Variants in DDX31 observed in about 807,000 individuals in gnomAD.
DDX31 encodes DEAD-box helicase 31, also known as ATP-dependent DNA helicase DDX31.
DDX31 carries 70 observed loss-of-function variants against 91.3 expected under a neutral mutation model. The ratio of observed to expected loss-of-function variants is 0.77; its 90% CI spans 0.63 to 0.94. The LOEUF is 0.94. Among genes scored for constraint, DDX31 ranks in the 40% least tolerant of loss-of-function variants. The pLI, the probability that DDX31 is intolerant of heterozygous loss-of-function variation, is 0.00. For synonymous variants in DDX31, 362 were observed against 350.6 expected (o/e 1.03, Z -0.36); for missense variants, 902 against 925.0 (o/e 0.98, Z 0.32).
chr9:132,667,276 G>C (rs920647525), intron 1 of DDX31, among the ~76,000 whole-genome samples: 3 of 152,056 alleles, frequency 2.0e-5, no homozygotes, highest in African/African-American at 7.2e-5. Flanking sequence ...AGTCTCATCA[G>C]CATATCCATC....
Position 132,630,459 on chromosome 9 carries a change from G to A in DDX31, c.1492-56C>T, listed in dbSNP as rs1832654846. Reference sequence around the variant, plus strand: ...ATAGATCAAGGGACTGCCATTAATTGGAAGTGCAATACTCCTCACCTGCCT... The same window carrying A: ...ATAGATCAAGGGACTGCCATTAATTAGAAGTGCAATACTCCTCACCTGCCT... On this transcript the variant is annotated intron_variant, in intron 15 of 19. Transcript: ENST00000372159. 2.6e-6 allele frequency: 4 copies of A among 1,524,306 alleles called. No individual in the cohort carries two copies. In the Admixed American group the frequency reaches 7.1e-5, roughly 27 times the overall value. 94.4% of individuals were successfully genotyped at this position (1,524,306 alleles called of 1,614,324 possible).
intron 14 of DDX31, among the ~76,000 whole-genome samples, chr9:132,638,758 T>C (rs1307002144): frequency 6.6e-6 from 1 of 152,164 alleles, no homozygotes; most frequent in Non-Finnish European, 1.5e-5. Flanking sequence ...AACACACACA[T>C]GCACCCTTAA....
chr9:132,599,246 A>G (rs1280496312), intron 19 of DDX31, among the ~76,000 whole-genome samples: 1 of 152,258 alleles, frequency 6.6e-6, no homozygotes, highest in African/African-American at 2.4e-5. Context: ...TGAGGCACAG[A>G]GAGATTAGGT....
intron 1 of DDX31, among the ~76,000 whole-genome samples, chr9:132,664,829 G>T (rs1035062984): frequency 2.0e-5 from 3 of 151,372 alleles, no homozygotes; most frequent in Non-Finnish European, 4.4e-5. Flanking sequence ...TCTTCCTTCA[G>T]TTCCTAGAAT....
intron 16 of DDX31, among the ~76,000 whole-genome samples, chr9:132,627,644 T>C (rs879464692): frequency 1.3e-5 from 2 of 152,164 alleles, no homozygotes; most frequent in Admixed American, 6.5e-5. Flanking sequence ...AGTTGACAAA[T>C]ACAAAGAAGT....
At chr9:132,643,309 G>C (rs1833614819) in intron 13 of DDX31, among the ~76,000 whole-genome samples, 2 of 152,210 alleles carry the variant, frequency 1.3e-5, no homozygotes, top group South Asian at 4.1e-4. Context: ...CAGTCATGAA[G>C]CTCTATGCAC....
chr9:132,624,317 G>A (rs990924967), intron 17 of DDX31, among the ~76,000 whole-genome samples: 27 of 152,052 alleles, frequency 1.8e-4, no homozygotes, highest in African/African-American at 5.6e-4. Context: ...CTTAATAAAG[G>A]GTGGTCCAGA....
chr9:132,669,264 C>CG (rs1835548341), intron 1 of DDX31, among the ~76,000 whole-genome samples: 2 of 142,204 alleles, frequency 1.4e-5, no homozygotes, highest in African/African-American at 5.1e-5. Flanking sequence ...CCGCCCCCCC[C>CG]AAAGAACAGC....
intron 18 of DDX31, among the ~76,000 whole-genome samples, chr9:132,614,808 GGCA>G (rs1240987187): frequency 2.0e-5 from 3 of 152,140 alleles, no homozygotes; most frequent in Admixed American, 1.3e-4. Context: ...CAACTGGCCA[GGCA>G]GCATTTCACA....
At position 132,659,839 on chromosome 9, in the gene DDX31, C is replaced by T. The variant is rs150769671; in HGVS notation, c.453-59G>A. On this transcript the variant is annotated intron_variant, in intron 4 of 19. Coordinates refer to ENST00000372159, the MANE Select transcript of DDX31 (RefSeq NM_022779.9). ...TATATTACCCAGTTACTGGCAGAGA[C>T]GCAGGATACATAAAAGGCAACTGCC... 2.9e-5 allele frequency: 45 copies of T among 1,546,076 alleles called. No homozygotes were observed. The African/African-American group carries it at 3.0e-4, about 10-fold the overall frequency.
intron 17 of DDX31, among the ~76,000 whole-genome samples, chr9:132,623,196 T>C (rs1040415461): frequency 6.6e-6 from 1 of 150,866 alleles, no homozygotes; most frequent in Non-Finnish European, 1.5e-5. Context: ...TCCCACACAA[T>C]CCTCTGACGT....
At chr9:132,666,604 C>T (rs1044380520) in intron 1 of DDX31, among the ~76,000 whole-genome samples, 1 of 152,164 alleles carries the variant, frequency 6.6e-6, no homozygotes, top group Admixed American at 6.5e-5. Context: ...CTGCAACCTC[C>T]ACTGGTTCCT....
Position 132,605,796 on chromosome 9 carries a change from T to TG in DDX31, c.1994+6290dup, listed in dbSNP as rs553620652. 4.3e-3 allele frequency among the ~76,000 whole-genome samples: 652 copies of TG among 152,222 alleles called. 4 individuals are homozygous for TG. The highest frequency in any genetic ancestry group is 7.3e-3 in the Non-Finnish European group (496 of 67,992). ...ATGAGGCTGAACAATCAGCAAAGGC[T>TG]GGGGGCCTTTGTGAGGAGGGGGGTT... On this transcript the variant is annotated intron_variant, in intron 19 of 19. Transcript: ENST00000372159.
intron 14 of DDX31, among the ~76,000 whole-genome samples, chr9:132,640,760 G>A (rs1286963386): frequency 6.6e-6 from 1 of 152,094 alleles, no homozygotes; most frequent in Non-Finnish European, 1.5e-5. Flanking sequence ...CTCCCACCTC[G>A]GCCTCCCAAA....
At chr9:132,628,162 T>C (rs1832509809) in intron 16 of DDX31, among the ~76,000 whole-genome samples, 1 of 152,184 alleles carries the variant, frequency 6.6e-6, no homozygotes, top group Non-Finnish European at 1.5e-5. Flanking sequence ...CTGATGTCTG[T>C]TTAAGTTGAT....
chr9:132,669,256 G>GC (rs35218211), intron 1 of DDX31, among the ~76,000 whole-genome samples: 57,184 of 115,488 alleles, frequency 0.5, 11,688 homozygotes, highest in East Asian at 0.58. Context: ...CACCCCGCCC[G>GC]CCCCCCCCAA....
chr9:132,605,260 C>T (rs572520741), intron 19 of DDX31, among the ~76,000 whole-genome samples: 10 of 152,308 alleles, frequency 6.6e-5, no homozygotes, highest in East Asian at 1.9e-4. Context: ...GCACCTACTG[C>T]GTGCCAGGTT....
chr9:132,599,924 G>A (rs148432438), intron 19 of DDX31, among the ~76,000 whole-genome samples: 15 of 152,350 alleles, frequency 9.8e-5, no homozygotes, highest in African/African-American at 1.7e-4. Context: ...CAGGTGGCCC[G>A]GGACTGACTA....
At position 132,604,531 on chromosome 9, in the gene DDX31, T is replaced by C. The variant is rs544479546; in HGVS notation, c.1994+7556A>G. On this transcript the variant is annotated intron_variant, in intron 19 of 19. Coordinates refer to ENST00000372159, the MANE Select transcript of DDX31 (RefSeq NM_022779.9). The stretch of plus-strand genomic sequence containing the variant: ...TCAGCAGCACCTTGCTGCCCTGCCA[T>C]GTGAAGAAGAGCATCTCATCATCTG... 1.2e-4 allele frequency among the ~76,000 whole-genome samples: 19 copies of C among 152,330 alleles called. 1 individual carries two copies. The South Asian group carries it at 3.1e-3, about 25-fold the overall frequency.
Sources: allele counts gnomAD v4.1 joint callset (sites outside exome capture counted in the v4.1 genomes callset), GRCh38; gene constraint gnomAD v4.1.1; transcripts MANE v1.5; gene names NCBI Gene and HGNC (gene_info 2026-07-23, HGNC 2026-07-21).